MUC4: variants seen among roughly 807,000 people sequenced by gnomAD.
MUC4 encodes the protein mucin-4.
A neutral mutation model predicts 257.9 loss-of-function variants in MUC4; 202 were observed. The ratio of observed to expected loss-of-function variants is 0.78; its 90% CI spans 0.70 to 0.88. The LOEUF (loss-of-function observed/expected upper bound fraction) is 0.88, where lower values mean the gene tolerates loss of function less well. Among genes scored for constraint, MUC4 ranks in the 40% least tolerant of loss-of-function variants. The probability of loss-of-function intolerance (pLI) is 0.00; values close to 1 mark genes in which losing one functional copy is unlikely to be tolerated. For synonymous variants in MUC4, 2,351 were observed against 2,757.1 expected, an observed-to-expected ratio of 0.85 and a Z score of 4.62; for missense variants, 5,976 against 6,513.7, an observed-to-expected ratio of 0.92 and a Z score of 2.84.
Position 195,788,899 on chromosome 3 carries a change from G to A in MUC4, c.2681C>T (p.Pro894Leu), listed in dbSNP as rs1242989550. 2 of 1,613,602 alleles carry A rather than the reference G, an allele frequency of 1.2e-6. No individual in the cohort carries two copies. Among genetic ancestry groups the A allele is most frequent in the Non-Finnish European group, 1.7e-6 (2 of 1,179,778 alleles). The change falls in exon 2 of 25, where the codon CCC (proline) becomes CTC (leucine). Residue 894 changes from proline to leucine, a missense_variant. Transcript: ENST00000463781. The part of the protein sequence containing the change: ...RPTGQSSPTS[P>L]SASPQETAAI... ...GGCTGTCTCCTGAGGAGAGGCACTG[G>A]GAGAAGTTGGGCTTGACTGTCCTGT... is the stretch of plus-strand genomic sequence containing the variant.
In MUC4 at chr3:195,748,940, T is replaced by C. The variant is rs750125246; in HGVS notation, c.15996A>G (p.Gly5332=). 1.3e-6 allele frequency: 2 copies of C among 1,599,386 alleles called. No individual in the cohort carries two copies. Among genetic ancestry groups the C allele is most frequent in the African/African-American group, 1.3e-5 (1 of 74,138 alleles). ...SPCSRGYCDH[G]GQCQHLPSGP... is the part of the protein sequence containing the mutation. ...CACTGGGCAGGTGCTGGCACTGGCC[T>C]CCATGGTCACAGTAGCCCCTACTGC... Residue 5332 remains glycine (G), a synonymous_variant, in exon 24 of 25, where the codon GGA becomes GGG. Coordinates refer to ENST00000463781, the MANE Select transcript of MUC4 (RefSeq NM_018406.7).
intron 7 of MUC4, among the ~76,000 whole-genome samples, chr3:195,767,611 G>GCCACCATCA (rs1721248650): frequency 6.8e-5 from 1 of 14,734 alleles, no homozygotes; most frequent in Non-Finnish European, 1.8e-4. Flanking sequence ...CATCACCATT[G>GCCACCATCA]CCACCACCAT....
rs1395342319 is a variant in MUC4 at position 195,767,906 on chromosome 3, ATCACCATCG to A, written c.13529+1107_13529+1115del. Among the ~76,000 whole-genome samples, 149 of 128,052 alleles carry A rather than the reference ATCACCATCG, an allele frequency of 1.2e-3. 8 individuals are homozygous for A. The highest frequency in any genetic ancestry group is 6.5e-3 in the East Asian group (32 of 4,948). 84.0% of individuals were successfully genotyped at this position (128,052 alleles called of 152,430 possible). On this transcript the variant is annotated intron_variant, in intron 7 of 24. Coordinates refer to ENST00000463781, the MANE Select transcript of MUC4 (RefSeq NM_018406.7). ...CACCATCACCACCACCATCACCACC[ATCACCATCG>A]CCACTGCCACCTCCACCGCCACTAC...
At chr3:195,748,761 C>T (rs1183346329) in intron 24 of MUC4, 141 bp downstream of exon 24, 2 of 1,181,844 alleles carry the variant, frequency 1.7e-6, no homozygotes, top group Non-Finnish European at 2.3e-6. Flanking sequence ...AGCAGGCACT[C>T]ACAACTCTCC....
Position 195,769,030 on chromosome 3 carries a change from G to A in MUC4, c.13521C>T (p.Gly4507=). The A allele has an allele frequency of 3.1e-6, 5 of 1,613,402 alleles. No homozygotes were observed. Among genetic ancestry groups the A allele is most frequent in the Non-Finnish European group, 4.2e-6 (5 of 1,179,492 alleles). ...AQRSGNPVLM[G]FSSGDGYFEN... Reference sequence around the variant, plus strand: ...AGCCCCTCCCATCCTACCTAGAGAAGCCCATGAGCACCGGGTTGCCTGAGC... The same window carrying A: ...AGCCCCTCCCATCCTACCTAGAGAAACCCATGAGCACCGGGTTGCCTGAGC... The change falls in exon 7 of 25, where the codon GGC becomes GGT. Residue 4507 remains glycine, a synonymous_variant. Transcript: ENST00000463781.
Position 195,757,382 on chromosome 3 carries a change from G to C in MUC4, c.14987-54C>G, listed in dbSNP as rs1271002873. ...AGCTGGGAGACTCCTCGGCTCTGTG[G>C]TCTGATTGCTGATACGGGGCTTCCC... On this transcript the variant is annotated intron_variant, in intron 17 of 24. Transcript: ENST00000463781. The surrounding 1 kb of genome is among the most constrained non-coding windows in gnomAD (Gnocchi z 4.8). The C allele has an allele frequency of 1.3e-6, 2 of 1,503,720 alleles. No homozygotes were observed. The highest frequency in any genetic ancestry group is 1.8e-5 in the Admixed American group (1 of 54,448). 93.1% of individuals were successfully genotyped at this position (1,503,720 alleles called of 1,614,324 possible).
chr3:195,784,535 G>C lies in MUC4; in HGVS notation c.7045C>G (p.His2349Asp), dbSNP rs77027243. The change falls in exon 2 of 25, where the codon CAC (histidine) becomes GAC (aspartate). Residue 2349 changes from histidine (H) to aspartate (D), a missense_variant. Transcript: ENST00000463781. ...VTSPSSASTG[H>D]ATPLHVTDAS... ...TCGGTGACATGAAGAGGGGTGGCGT[G>C]ACCTGTGGATGCTGAGGAAGGGCTA... 1.9e-4 allele frequency: 285 copies of C among 1,465,956 alleles called. 45 individuals carry two copies. In the African/African-American group the frequency reaches 3.5e-3, roughly 18 times the overall value. The allele number at this position is 1,465,956 out of a possible 1,614,324, so 90.8% of individuals were successfully genotyped here. A position where few individuals can be genotyped will look rare whatever the true frequency, so the allele number is the denominator to read the frequency against.
intron 1 of MUC4, among the ~76,000 whole-genome samples, chr3:195,803,476 G>A (rs953484736): frequency 6.6e-6 from 1 of 152,130 alleles, no homozygotes; most frequent in Non-Finnish European, 1.5e-5. Flanking sequence ...CCGCATCTGC[G>A]CTGGGTCGAG....
chr3:195,746,794 T>G lies in MUC4; in HGVS notation c.*382A>C. 7.3e-6 allele frequency: 2 copies of G among 272,604 alleles called. No individual in the cohort carries two copies. The highest frequency in any genetic ancestry group is 1.4e-5 in the Non-Finnish European group (2 of 143,620). The allele number at this position is 272,604 out of a possible 1,614,324, so 16.9% of individuals were successfully genotyped here. ...GGAGACACAAAAAGTCAGAGAGACT[T>G]TATTTAAATAGAGTTAATTTGAAGT... On this transcript the variant is annotated 3_prime_UTR_variant, in exon 25 of 25. Transcript: ENST00000463781.
At chr3:195,765,571 A>T in intron 8 of MUC4, 122 bp from the exon 9 acceptor site, 1 of 1,001,248 alleles carries the variant, frequency 1.0e-6, no homozygotes, top group Non-Finnish European at 1.4e-6. Flanking sequence ...ACCTCTTTGG[A>T]CCCAAGTCAG....
chr3:195,794,520 G>A (rs1054356848), intron 1 of MUC4, among the ~76,000 whole-genome samples: 2 of 152,132 alleles, frequency 1.3e-5, no homozygotes, highest in Non-Finnish European at 2.9e-5. Context: ...ACACAACCAT[G>A]CCTGGGTAAT....
chr3:195,797,743 T>C (rs1362948455), intron 1 of MUC4, among the ~76,000 whole-genome samples: 2 of 152,170 alleles, frequency 1.3e-5, no homozygotes, highest in Non-Finnish European at 2.9e-5. Flanking sequence ...AACATAATTG[T>C]TTACATAGAA....
At chr3:195,777,898 A>ACCCATACCTTCCAC (rs1560289991) in intron 3 of MUC4, among the ~76,000 whole-genome samples, 1 of 25,850 alleles carries the variant, frequency 3.9e-5, no homozygotes, top group East Asian at 1.3e-3. Flanking sequence ...TACCTTCCAC[A>ACCCATACCTTCCAC]GCCATACCTT....
At chr3:195,748,001 G>T (rs1475127633) in intron 24 of MUC4, among the ~76,000 whole-genome samples, 1 of 84,784 alleles carries the variant, frequency 1.2e-5, no homozygotes, top group Non-Finnish European at 2.9e-5. Context: ...CCGCCCACCC[G>T]GAGAGCCGGG....
chr3:195,788,649 A>T lies in MUC4; in HGVS notation c.2931T>A (p.Leu977=). ...ATGCCGAGGAAGCGTAGGTGACAGGAAGAGGGGTGGCGTTGCTGATGAGGG... is the reference window on the plus strand; with the variant it reads ...ATGCCGAGGAAGCGTAGGTGACAGGTAGAGGGGTGGCGTTGCTGATGAGGG... ...TTALISNATP[L]PVTYASSAST... is the part of the protein sequence containing the mutation. Residue 977 remains leucine (L), a synonymous_variant, in exon 2 of 25, where the codon CTT becomes CTA. Transcript: ENST00000463781. 3 of 1,610,380 alleles carry T rather than the reference A, an allele frequency of 1.9e-6. No individual in the cohort carries two copies. In the South Asian group the frequency reaches 3.3e-5, roughly 18 times the overall value.
intron 7 of MUC4, among the ~76,000 whole-genome samples, chr3:195,767,555 TTACCATTGC>T (rs1560261656): frequency 4.1e-3 from 219 of 52,966 alleles, no homozygotes; most frequent in African/African-American, 0.029. Flanking sequence ...ACCATCACCA[TTACCATTGC>T]CACCACCATC....
intron 7 of MUC4, among the ~76,000 whole-genome samples, chr3:195,767,588 C>CCACCACCACCATCAT (rs1295394655): frequency 4.6e-5 from 5 of 109,056 alleles, no homozygotes; most frequent in Non-Finnish European, 1.9e-5. Context: ...ACCACCATCA[C>CCACCACCACCATCAT]CACCACCACC....
chr3:195,795,392 C>T (rs1734444590), intron 1 of MUC4, among the ~76,000 whole-genome samples: 1 of 151,992 alleles, frequency 6.6e-6, no homozygotes, highest in Non-Finnish European at 1.5e-5. Flanking sequence ...ATAAAAGTGG[C>T]ACAGCTCCAT....
chr3:195,789,752 T>G lies in MUC4; in HGVS notation c.1828A>C (p.Ile610Leu). ...PMLDRHTSQQITTAPSTNHST... is the reference protein window; with the variant it reads ...PMLDRHTSQQLTTAPSTNHST... ...TGATTTGTTGATGGTGCCGTTGTAA[T>G]TTGTTGGGATGTGTGTCTATCCAGC... is the stretch of plus-strand genomic sequence containing the variant. Residue 610 changes from isoleucine (I) to leucine (L), a missense_variant, in exon 2 of 25, where the codon ATT becomes CTT. Ile to Leu is a conservative substitution (Grantham distance 5). Coordinates refer to ENST00000463781, the MANE Select transcript of MUC4 (RefSeq NM_018406.7). The G allele has an allele frequency of 6.2e-7, 1 of 1,613,940 alleles. No homozygotes were observed. The highest frequency in any genetic ancestry group is 8.5e-7 in the Non-Finnish European group (1 of 1,179,852).
Sources: gnomAD v4.1 joint callset for allele counts (sites outside exome capture counted in the v4.1 genomes callset) on GRCh38, gnomAD v4.1.1 for gene constraint, Gnocchi (gnomAD v3.1) non-coding constraint, MANE v1.5 for transcripts, NCBI Gene and HGNC (gene_info 2026-07-23, HGNC 2026-07-21) for gene names.